PKLR: variants seen among roughly 807,000 people sequenced by gnomAD.
PKLR encodes the protein pyruvate kinase L/R, also known as pyruvate kinase PKLR.
PKLR carries 38 observed loss-of-function variants against 53.6 expected under a neutral mutation model. The ratio of observed to expected loss-of-function variants is 0.71; its 90% CI spans 0.55 to 0.93. The LOEUF (loss-of-function observed/expected upper bound fraction) is 0.93. PKLR is among the 40% of genes least tolerant of loss of function. The pLI, the probability that PKLR is intolerant of heterozygous loss-of-function variation, is 0.00. For missense variants in PKLR, 702 were observed against 787.3 expected, an observed-to-expected ratio of 0.89 and a Z score of 1.30; for synonymous variants, 328 against 316.2, an observed-to-expected ratio of 1.04 and a Z score of -0.39.
chr1:155,294,446 C>G (rs1227712343), intron 6 of PKLR, 36 bp downstream of exon 6: 1 of 1,614,176 alleles, frequency 6.2e-7, no homozygotes, highest in Non-Finnish European at 8.5e-7. Context: ...TGGGGAATAG[C>G]GACAGGGCCG....
rs1387280706 is a variant in PKLR, at chr1:155,292,074, G to A, written c.1437-137C>T. ...AGTCATCATACTTCTCTGGGCCTTGGTGTTCTCACCTGTAAAATGAGTGTA... is the reference window on the plus strand; with the variant it reads ...AGTCATCATACTTCTCTGGGCCTTGATGTTCTCACCTGTAAAATGAGTGTA... On this transcript the variant is annotated intron_variant, in intron 9 of 10. Coordinates refer to ENST00000342741, the MANE Select transcript of PKLR (RefSeq NM_000298.6). The A allele has an allele frequency of 1.1e-5, 9 of 819,840 alleles. No individual in the cohort carries two copies. The African/African-American group carries it at 1.5e-4, about 14-fold the overall frequency. The allele number at this position is 819,840 out of a possible 1,614,324, so 50.8% of individuals were successfully genotyped here.
At chr1:155,305,973 G>A (rs552782986), upstream of PKLR, among the ~76,000 whole-genome samples, 1 of 152,214 alleles carries the variant, frequency 6.6e-6, no homozygotes, top group Admixed American at 6.5e-5. Context: ...ACTGACTCCA[G>A]AACCAGTTGG....
intron 7 of PKLR, 146 bp downstream of exon 7, chr1:155,294,089 C>G (rs1319984637): frequency 1.1e-6 from 1 of 898,384 alleles, no homozygotes; most frequent in Non-Finnish European, 1.8e-6. Context: ...GCGGAGATTG[C>G]GCCACTGCAC....
In PKLR at chr1:155,301,342, C is replaced by T; in HGVS notation, c.54G>A (p.Lys18=). The part of the protein sequence containing the change: ...SSLQLRSWVS[K]SQRDLAKSIL... ...TGGACTTTGCTAAGTCTCTTTGGGA[C>T]TTAGAGACCCATGACCGAAGCTGCA... The change falls in exon 1 of 11, where the codon AAG becomes AAA. Residue 18 remains lysine, a synonymous_variant. Coordinates refer to ENST00000342741, the MANE Select transcript of PKLR (RefSeq NM_000298.6). 6.2e-7 allele frequency: 1 copy of T among 1,614,088 alleles called. No homozygotes were observed. The highest frequency in any genetic ancestry group is 1.3e-5 in the African/African-American group (1 of 75,010).
rs1193321501 is a variant in PKLR, at chr1:155,295,114, A to C, written c.694+2T>G. On this transcript the variant is annotated splice_donor_variant, in intron 5 of 10. Transcript: ENST00000342741. LOFTEE classifies it high-confidence loss of function. This position sits in a 1 kb window ranked among gnomAD's most constrained non-coding sequence, Gnocchi z 4.3. ...TGGTCAGGGCGGGAGGCGCGTCCGC[A>C]CCGATTTTCTGGACCACTAGGGAGA... The C allele has an allele frequency of 6.2e-7, 1 of 1,613,840 alleles. No homozygotes were observed.
chr1:155,294,828 T>A (rs1647466318), intron 5 of PKLR, 76 bp from the exon 6 acceptor site: 2 of 1,560,224 alleles, frequency 1.3e-6, no homozygotes, highest in Non-Finnish European at 1.8e-6. Flanking sequence ...ACACTGGGGC[T>A]TGGACCCGCA....
intron 10 of PKLR, 130 bp from the exon 11 acceptor site, chr1:155,290,808 G>A (rs1674498450): frequency 4.4e-6 from 3 of 677,034 alleles, no homozygotes; most frequent in Admixed American, 2.0e-5. Flanking sequence ...GGCCAACATG[G>A]TGAAACCTTG....
the PKLR span, among the ~76,000 whole-genome samples, chr1:155,306,898 G>C: frequency 6.6e-6 from 1 of 152,178 alleles, no homozygotes; most frequent in South Asian, 2.1e-4. The surrounding 1 kb of genome is among the most constrained non-coding windows in gnomAD (Gnocchi z 4.2). Flanking sequence ...TGAAGCTGCA[G>C]ACCTTCGCGG....
chr1:155,294,070 T>A (rs1045304698), intron 7 of PKLR, among the ~76,000 whole-genome samples, 165 bp downstream of exon 7: 12 of 152,030 alleles, frequency 7.9e-5, no homozygotes, highest in African/African-American at 2.9e-4. Context: ...GAGGCGGAGG[T>A]TGCAGTGAGC....
rs1472060040 is a variant in PKLR at position 155,294,786 on chromosome 1, G to A, written c.695-34C>T. 3 of 1,612,612 alleles carry A rather than the reference G, an allele frequency of 1.9e-6. No individual in the cohort carries two copies. In the African/African-American group the frequency reaches 4.0e-5, roughly 22 times the overall value. ...ATGGAAAGAGCCAGCTGCGGTCAGG[G>A]GTGAGGACGGGGCACAGTTGCAGCA... is the stretch of plus-strand genomic sequence containing the variant. On this transcript the variant is annotated intron_variant, in intron 5 of 10. Transcript: ENST00000342741.
chr1:155,306,661 G>A, the PKLR span, among the ~76,000 whole-genome samples: 5 of 151,802 alleles, frequency 3.3e-5, no homozygotes, highest in African/African-American at 4.8e-5. This position sits in a 1 kb window ranked among gnomAD's most constrained non-coding sequence, Gnocchi z 4.2. Context: ...ACACAAATAC[G>A]TACTCCACTC....
Position 155,293,035 on chromosome 1 carries a change from T to A in PKLR, c.1436+142A>T, listed in dbSNP as rs1286504121. 4 of 876,646 alleles carry A rather than the reference T, an allele frequency of 4.6e-6. No homozygotes were observed. The highest frequency in any genetic ancestry group is 5.7e-6 in the Non-Finnish European group (3 of 528,308). 54.3% of individuals were successfully genotyped at this position (876,646 alleles called of 1,614,324 possible). A position where few individuals can be genotyped will look rare whatever the true frequency, so the allele number is the denominator to read the frequency against. The stretch of plus-strand genomic sequence containing the variant: ...CACTGGCATTCTGTCTCTCCTGGCC[T>A]CCAGCTGTCATTGCTGCCTCTCCTC... On this transcript the variant is annotated intron_variant, in intron 9 of 10. Transcript: ENST00000342741. The surrounding 1 kb of genome is among the most constrained non-coding windows in gnomAD (Gnocchi z 4.2).
intron 2 of PKLR, among the ~76,000 whole-genome samples, chr1:155,298,995 T>TTTCC (rs1647785938): frequency 1.0e-5 from 1 of 97,614 alleles, no homozygotes; most frequent in Non-Finnish European, 1.9e-5. Flanking sequence ...TCTTTCTTTC[T>TTTCC]TTCTTTCTTT....
intron 10 of PKLR, among the ~76,000 whole-genome samples, chr1:155,291,033 AT>A (rs1416830464): frequency 1.7e-5 from 2 of 120,070 alleles, no homozygotes; most frequent in Non-Finnish European, 3.5e-5. Flanking sequence ...AATAATAATA[AT>A]AATAATAAAA....
chr1:155,298,939 G>A (rs1274395952), intron 2 of PKLR, among the ~76,000 whole-genome samples: 1 of 150,920 alleles, frequency 6.6e-6, no homozygotes, highest in Non-Finnish European at 1.5e-5. Flanking sequence ...CACCATGCCC[G>A]GCCAACTTTC....
In PKLR at chr1:155,293,121, T is replaced by TGCCCCCCCCCC; in HGVS notation, c.1436+55_1436+56insGGGGGGGGGGC. 1 of 1,542,332 alleles carries TGCCCCCCCCCC rather than the reference T, an allele frequency of 6.5e-7. No homozygotes were observed. Among genetic ancestry groups the TGCCCCCCCCCC allele is most frequent in the South Asian group, 1.1e-5 (1 of 89,708 alleles). ...AGACTAAACCCAAGCCTGGGGCCCG[T>TGCCCCCCCCCC]CCCAGCCCACCCCTGACCCAAAGCT... On this transcript the variant is annotated intron_variant, in intron 9 of 10. Transcript: ENST00000342741. This position sits in a 1 kb window ranked among gnomAD's most constrained non-coding sequence, Gnocchi z 4.2.
intron 10 of PKLR, among the ~76,000 whole-genome samples, chr1:155,291,159 G>T (rs1674522112): frequency 6.6e-6 from 1 of 152,064 alleles, no homozygotes; most frequent in African/African-American, 2.4e-5. Context: ...AGTGAAGTAT[G>T]TCCCACGGGT....
At chr1:155,294,863 C>T in intron 5 of PKLR, 111 bp from the exon 6 acceptor site, 1 of 1,337,306 alleles carries the variant, frequency 7.5e-7, no homozygotes, top group South Asian at 1.2e-5. Flanking sequence ...ATGTCCTCCT[C>T]ATCTCTCCGC....
chr1:155,305,270 G>A (rs1337271964), upstream of PKLR, among the ~76,000 whole-genome samples: 3 of 152,108 alleles, frequency 2.0e-5, no homozygotes, highest in Non-Finnish European at 2.9e-5. Context: ...AAACCCTACC[G>A]AATACACTTG....
Sources: allele counts gnomAD v4.1 joint callset (sites outside exome capture counted in the v4.1 genomes callset), GRCh38; gene constraint gnomAD v4.1.1; non-coding constraint Gnocchi (gnomAD v3.1); transcripts MANE v1.5; gene names NCBI Gene and HGNC (gene_info 2026-07-23, HGNC 2026-07-21).